The following PCCA variants were observed in gnomAD, a reference collection of about 807,000 sequenced individuals.
The protein encoded by PCCA is propionyl-CoA carboxylase subunit alpha.
A neutral mutation model predicts 101.3 loss-of-function variants in PCCA; 74 were observed. That is an observed-to-expected ratio of 0.73 (90% CI 0.61 to 0.89). PCCA has a LOEUF of 0.89. Among genes scored for constraint, PCCA ranks in the 40% least tolerant of loss-of-function variants. The pLI is 0.00. For synonymous variants in PCCA, 294 were observed against 313.6 expected, an observed-to-expected ratio of 0.94 and a Z score of 0.66; for missense variants, 891 against 907.0, an observed-to-expected ratio of 0.98 and a Z score of 0.23.
intron 4 of PCCA, among the ~76,000 whole-genome samples, chr13:100,134,744 G>C (rs760118995): frequency 1.3e-5 from 2 of 151,526 alleles, no homozygotes; most frequent in Non-Finnish European, 2.9e-5. Context: ...TGTAGAGACA[G>C]GGTCTCCCTA....
At chr13:100,097,996 T>C (rs1347748833) in intron 1 of PCCA, among the ~76,000 whole-genome samples, 1 of 151,852 alleles carries the variant, frequency 6.6e-6, no homozygotes, top group African/African-American at 2.4e-5. Flanking sequence ...TACACTTCAG[T>C]CTGGGCAACA....
intron 19 of PCCA, among the ~76,000 whole-genome samples, chr13:100,417,256 C>G (rs2078437306): frequency 6.6e-6 from 1 of 152,180 alleles, no homozygotes; most frequent in South Asian, 2.1e-4. Context: ...GAACTGTACC[C>G]ACCAAAGCCT....
intron 6 of PCCA, among the ~76,000 whole-genome samples, chr13:100,191,043 T>A (rs2057706792): frequency 6.6e-6 from 1 of 152,090 alleles, no homozygotes; most frequent in Non-Finnish European, 1.5e-5. Context: ...GCTGCAGTGA[T>A]CACACTACTG....
chr13:100,518,395 G>A (rs1301034574), intron 22 of PCCA, among the ~76,000 whole-genome samples: 1 of 152,180 alleles, frequency 6.6e-6, no homozygotes, highest in Non-Finnish European at 1.5e-5. Context: ...GAATCCGCTC[G>A]GGGCGCTTGG....
chr13:100,493,500 C>T (rs548631792), intron 21 of PCCA, among the ~76,000 whole-genome samples: 1 of 152,190 alleles, frequency 6.6e-6, no homozygotes, highest in Non-Finnish European at 1.5e-5. Flanking sequence ...AGCCAACCCA[C>T]GTGGATGCAG....
intron 18 of PCCA, among the ~76,000 whole-genome samples, chr13:100,351,293 G>T (rs1042457889): frequency 5.9e-5 from 9 of 152,102 alleles, no homozygotes; most frequent in Admixed American, 4.6e-4. Flanking sequence ...TTTGTGTTCA[G>T]CCTTGTTCCA....
At chr13:100,422,994 C>T (rs1306564749) in intron 19 of PCCA, among the ~76,000 whole-genome samples, 1 of 146,704 alleles carries the variant, frequency 6.8e-6, no homozygotes, top group African/African-American at 2.5e-5. Context: ...ACTAATTTAC[C>T]TTTTTCTCTG....
intron 6 of PCCA, among the ~76,000 whole-genome samples, chr13:100,205,556 T>G (rs893444920): frequency 3.3e-4 from 50 of 149,860 alleles, no homozygotes; most frequent in Non-Finnish European, 6.2e-4. Context: ...TTTTTTTTTT[T>G]GACAATTTTA....
In PCCA at chr13:100,108,573, G is replaced by A. The variant is rs546962907; in HGVS notation, c.184-3268G>A. Among the ~76,000 whole-genome samples, 5 of 152,134 alleles carry A rather than the reference G, an allele frequency of 3.3e-5. No homozygotes were observed. In the East Asian group the frequency reaches 9.7e-4, roughly 29 times the overall value. ...TGCTACCCTCTTCTTCCAGTGTCAC[G>A]GCCTTTACACATGCTGTTCATGTGC... On this transcript the variant is annotated intron_variant, in intron 2 of 23. Coordinates refer to ENST00000376285, the MANE Select transcript of PCCA (RefSeq NM_000282.4).
chr13:100,273,369 C>A, intron 12 of PCCA, 23 bp downstream of exon 12: 1 of 1,578,048 alleles, frequency 6.3e-7, no homozygotes, highest in Non-Finnish European at 8.7e-7. Context: ...GTTATTTATT[C>A]CTCTCCATGC....
chr13:100,319,277 C>T (rs984995369), intron 16 of PCCA, among the ~76,000 whole-genome samples: 3 of 152,048 alleles, frequency 2.0e-5, no homozygotes, highest in African/African-American at 4.8e-5. Context: ...TTCTCCCATT[C>T]TGTAGGTTGC....
At chr13:100,354,311 A>G (rs2073700025) in intron 18 of PCCA, among the ~76,000 whole-genome samples, 1 of 120,708 alleles carries the variant, frequency 8.3e-6, no homozygotes. Flanking sequence ...GAGAGAAAGA[A>G]AGGGAGAAAG....
chr13:100,099,604 A>G (rs1236292942), intron 1 of PCCA, among the ~76,000 whole-genome samples: 2 of 152,056 alleles, frequency 1.3e-5, no homozygotes, highest in Non-Finnish European at 1.5e-5. Flanking sequence ...GGCGTGAGCC[A>G]CTGTGCCCAG....
At chr13:100,435,118 T>G (rs1419659932) in intron 20 of PCCA, among the ~76,000 whole-genome samples, 1 of 152,196 alleles carries the variant, frequency 6.6e-6, no homozygotes, top group African/African-American at 2.4e-5. Flanking sequence ...GCATAATTTA[T>G]CAAGAAAACG....
chr13:100,385,500 C>T (rs1027102344), intron 19 of PCCA, among the ~76,000 whole-genome samples: 3 of 152,164 alleles, frequency 2.0e-5, no homozygotes, highest in African/African-American at 7.2e-5. Flanking sequence ...GTGGCTCCTG[C>T]ACATATGATA....
intron 20 of PCCA, among the ~76,000 whole-genome samples, chr13:100,438,078 C>T (rs1306362839): frequency 6.6e-6 from 1 of 151,394 alleles, no homozygotes; most frequent in African/African-American, 2.4e-5. Context: ...AAAAGTGATT[C>T]CATCTTAATT....
chr13:100,094,234 A>C (rs975868918), intron 1 of PCCA, among the ~76,000 whole-genome samples: 3 of 151,458 alleles, frequency 2.0e-5, no homozygotes, highest in Non-Finnish European at 4.4e-5. Flanking sequence ...GTCTCAAAAA[A>C]AAAAAAAAAA....
chr13:100,477,676 G>A (rs933366183), intron 21 of PCCA, among the ~76,000 whole-genome samples: 7 of 152,150 alleles, frequency 4.6e-5, no homozygotes, highest in African/African-American at 1.4e-4. Flanking sequence ...TGAATAGCAA[G>A]TTTGGACAGT....
intron 21 of PCCA, among the ~76,000 whole-genome samples, chr13:100,513,326 A>G (rs1245223503): frequency 6.6e-6 from 1 of 152,214 alleles, no homozygotes; most frequent in African/African-American, 2.4e-5. Context: ...TTTACTTGCT[A>G]TTACAATAAG....
Sources: allele counts gnomAD v4.1 joint callset (sites outside exome capture counted in the v4.1 genomes callset), GRCh38; gene constraint gnomAD v4.1.1; transcripts MANE v1.5; gene names NCBI Gene and HGNC (gene_info 2026-07-23, HGNC 2026-07-21).